The following PDE4D variants were observed in gnomAD, a reference collection of about 807,000 sequenced individuals.
PDE4D encodes the protein 3',5'-cyclic-AMP phosphodiesterase 4D.
A neutral mutation model predicts 87.4 loss-of-function variants in PDE4D; 24 were observed. That is an observed-to-expected ratio of 0.27 (90% CI 0.20 to 0.39). The LOEUF (loss-of-function observed/expected upper bound fraction) is 0.39, where lower values mean the gene tolerates loss of function less well. Ranked by LOEUF, PDE4D falls within the 10% of genes least tolerant of loss-of-function variation. The pLI is 1.00. For synonymous variants in PDE4D, 384 were observed against 383.2 expected (o/e 1.00, Z -0.02); for missense variants, 714 against 1,041.0 (o/e 0.69, Z 4.32).
At chr5:59,545,782 A>T (rs1210425981) in intron 1 of PDE4D, among the ~76,000 whole-genome samples, 2 of 152,246 alleles carry the variant, frequency 1.3e-5, no homozygotes, top group African/African-American at 4.8e-5. Context: ...TCATGAGGGT[A>T]TTTTCTTTCA....
chr5:59,026,791 T>C (rs550842416), intron 6 of PDE4D, among the ~76,000 whole-genome samples: 1 of 152,338 alleles, frequency 6.6e-6, no homozygotes, highest in South Asian at 2.1e-4. Context: ...TTCGATCTTT[T>C]AAATAAAACT....
At chr5:59,213,760 A>T (rs1480496258) in intron 2 of PDE4D, among the ~76,000 whole-genome samples, 3 of 152,068 alleles carry the variant, frequency 2.0e-5, no homozygotes, top group African/African-American at 7.2e-5. Flanking sequence ...AAACCTAGTA[A>T]TTATAGAAGG....
intron 1 of PDE4D, chr5:59,356,729 T>C (rs1239700505): frequency 2.6e-6 from 4 of 1,557,534 alleles, no homozygotes; most frequent in Non-Finnish European, 3.4e-6. Flanking sequence ...AAACAATTCT[T>C]CCTAGCTACA....
At chr5:60,106,116 T>C (rs1236100041) in intron 2 of PDE4D, among the ~76,000 whole-genome samples, 1 of 151,766 alleles carries the variant, frequency 6.6e-6, no homozygotes, top group Non-Finnish European at 1.5e-5. Flanking sequence ...GAAACCCATC[T>C]CACGTGCAGA....
At chr5:60,065,797 G>C (rs201986744) in intron 2 of PDE4D, among the ~76,000 whole-genome samples, 1 of 152,170 alleles carries the variant, frequency 6.6e-6, no homozygotes, top group Non-Finnish European at 1.5e-5. Context: ...GTATTCCATG[G>C]TGTATATGTG....
At chr5:60,364,942 TA>T (rs1760393327) in intron 1 of PDE4D, among the ~76,000 whole-genome samples, 1 of 152,320 alleles carries the variant, frequency 6.6e-6, no homozygotes, top group African/African-American at 2.4e-5. Flanking sequence ...AACCACATTT[TA>T]AAAACCTTGA....
At chr5:59,904,804 T>A (rs953494385) in intron 3 of PDE4D, among the ~76,000 whole-genome samples, 199 of 152,278 alleles carry the variant, frequency 1.3e-3, no homozygotes, top group Non-Finnish European at 2.1e-3. Flanking sequence ...GAATGCAAAA[T>A]TTTTAATGAA....
intron 1 of PDE4D, among the ~76,000 whole-genome samples, chr5:60,300,256 T>C (rs1457545825): frequency 6.6e-6 from 1 of 152,326 alleles, no homozygotes; most frequent in East Asian, 1.9e-4. Context: ...TTGGTTTATT[T>C]CTTGTAAATG....
intron 1 of PDE4D, among the ~76,000 whole-genome samples, chr5:59,429,399 G>A (rs770171645): frequency 1.3e-5 from 2 of 152,110 alleles, no homozygotes; most frequent in African/African-American, 2.4e-5. Flanking sequence ...GCTTTCTGAA[G>A]GTTTAGAAAC....
At position 59,760,632 on chromosome 5, in the gene PDE4D, T is replaced by C. The variant is rs187111077; in HGVS notation, c.455+132536A>G. Among the ~76,000 whole-genome samples the C allele has an allele frequency of 3.0e-4, 45 of 152,286 alleles. No individual in the cohort carries two copies. In the East Asian group the frequency reaches 7.9e-3, roughly 27 times the overall value. On this transcript the variant is annotated intron_variant, in intron 1 of 14. Coordinates refer to ENST00000340635, the MANE Select transcript of PDE4D (RefSeq NM_001104631.2). ...CATGAAATTACTTATATTAGAAAAC[T>C]GTATTTGGTTTTAATTATATTTGGA...
chr5:58,981,142 G>A (rs952752559), intron 11 of PDE4D, among the ~76,000 whole-genome samples: 4 of 152,036 alleles, frequency 2.6e-5, no homozygotes, highest in African/African-American at 9.7e-5. Context: ...TCTCACAGAC[G>A]CACCCCAAAA....
intron 1 of PDE4D, among the ~76,000 whole-genome samples, chr5:60,325,677 T>C (rs1269271148): frequency 6.6e-6 from 1 of 152,154 alleles, no homozygotes; most frequent in East Asian, 1.9e-4. Context: ...TCAGTGTATC[T>C]TTTACCCAGT....
chr5:59,445,639 A>G (rs554002772), intron 1 of PDE4D, among the ~76,000 whole-genome samples: 1 of 152,328 alleles, frequency 6.6e-6, no homozygotes, highest in East Asian at 1.9e-4. Context: ...CTTTTTGAGT[A>G]GTTTCCGGCA....
rs62357505 is a variant in PDE4D, at chr5:59,493,933, C to T, written c.456-277965G>A. ...GATCTAATCACATCTGACCACATTA[C>T]GAAATAGTTTTTTTCCAAGTTATAA... On this transcript the variant is annotated intron_variant, in intron 1 of 14. Transcript: ENST00000340635. 6.6e-3 allele frequency among the ~76,000 whole-genome samples: 997 copies of T among 152,182 alleles called. 4 individuals are homozygous for T. The highest frequency in any genetic ancestry group is 0.011 in the Non-Finnish European group (757 of 68,022).
chr5:60,477,426 A>AACAC (rs1748412819), intron 1 of PDE4D, among the ~76,000 whole-genome samples: 1 of 151,764 alleles, frequency 6.6e-6, no homozygotes, highest in Admixed American at 6.6e-5. Context: ...AAGCTTTAAA[A>AACAC]ACAGTGCTGA....
At chr5:59,591,217 C>T (rs1477568945) in intron 1 of PDE4D, among the ~76,000 whole-genome samples, 1 of 152,178 alleles carries the variant, frequency 6.6e-6, no homozygotes, top group African/African-American at 2.4e-5. Flanking sequence ...ACTTTCTACA[C>T]AAATTCTTAT....
intron 2 of PDE4D, among the ~76,000 whole-genome samples, chr5:60,009,397 T>G (rs1764797949): frequency 6.6e-6 from 1 of 152,034 alleles, no homozygotes; most frequent in South Asian, 2.1e-4. Context: ...ATTCATTCAT[T>G]CAATAATTAT....
At chr5:60,456,241 T>G (rs893398055) in intron 1 of PDE4D, among the ~76,000 whole-genome samples, 3 of 152,138 alleles carry the variant, frequency 2.0e-5, no homozygotes, top group African/African-American at 7.2e-5. Flanking sequence ...TGCTTTGGAT[T>G]GACAATATCC....
chr5:59,598,322 T>C (rs1561294149), intron 1 of PDE4D, among the ~76,000 whole-genome samples: 1 of 152,144 alleles, frequency 6.6e-6, no homozygotes, highest in South Asian at 2.1e-4. Context: ...CCCTTTCCCT[T>C]TAGATTAGCA....
Sources: allele counts gnomAD v4.1 joint callset (sites outside exome capture counted in the v4.1 genomes callset), GRCh38; gene constraint gnomAD v4.1.1; transcripts MANE v1.5; gene names NCBI Gene and HGNC (gene_info 2026-07-23, HGNC 2026-07-21).